Variants in SUSD6 observed in about 807,000 individuals in gnomAD.
SUSD6 encodes the protein sushi domain-containing protein 6.
A neutral mutation model predicts 28.4 loss-of-function variants in SUSD6; 16 were observed. That is an observed-to-expected ratio of 0.56 (90% CI 0.38 to 0.86). The LOEUF is 0.86. SUSD6 is among the 40% of genes least tolerant of loss of function. The pLI is 0.00. For synonymous variants in SUSD6, 147 were observed against 159.6 expected (o/e 0.92, Z 0.59); for missense variants, 341 against 384.2 (o/e 0.89, Z 0.94).
intron 2 of SUSD6, among the ~76,000 whole-genome samples, chr14:69,675,212 A>G (rs1202587508): frequency 6.6e-6 from 1 of 152,020 alleles, no homozygotes; most frequent in Admixed American, 6.6e-5. Context: ...AGTTTTGCTC[A>G]CCTTGCTTCT....
chr14:69,622,250 G>T (rs1051111738), intron 1 of SUSD6, among the ~76,000 whole-genome samples: 5 of 152,080 alleles, frequency 3.3e-5, no homozygotes, highest in African/African-American at 9.7e-5. Flanking sequence ...CTGCAGCCTT[G>T]ACCTTACGGG....
chr14:69,649,380 G>A (rs911041668), intron 1 of SUSD6, among the ~76,000 whole-genome samples: 1 of 152,118 alleles, frequency 6.6e-6, no homozygotes, highest in Non-Finnish European at 1.5e-5. Context: ...AGCCCTGATG[G>A]GAACCAAGCA....
chr14:69,686,388 A>G (rs911253823), intron 2 of SUSD6, among the ~76,000 whole-genome samples: 3 of 152,322 alleles, frequency 2.0e-5, no homozygotes, highest in African/African-American at 7.2e-5. Flanking sequence ...CTAGGGAAGT[A>G]GGGGGACTAC....
intron 1 of SUSD6, among the ~76,000 whole-genome samples, chr14:69,648,537 G>A (rs1481982481): frequency 2.0e-5 from 3 of 152,170 alleles, no homozygotes. Context: ...TTTTTGGTGA[G>A]TTTTTAAAGT....
chr14:69,695,314 G>T (rs1886209829), intron 2 of SUSD6, among the ~76,000 whole-genome samples: 1 of 152,200 alleles, frequency 6.6e-6, no homozygotes, highest in Non-Finnish European at 1.5e-5. Flanking sequence ...TCCACAGCAG[G>T]AATCTGTCCC....
At chr14:69,622,204 G>T (rs186047642) in intron 1 of SUSD6, among the ~76,000 whole-genome samples, 3 of 151,924 alleles carry the variant, frequency 2.0e-5, no homozygotes, top group African/African-American at 7.3e-5. Flanking sequence ...TTGTTCTGTC[G>T]CCCAGGCTAG....
At chr14:69,678,486 C>T (rs533346616) in intron 2 of SUSD6, among the ~76,000 whole-genome samples, 15 of 152,096 alleles carry the variant, frequency 9.9e-5, no homozygotes, top group Admixed American at 5.9e-4. Context: ...GATCTATGGG[C>T]GACTCCAGTT....
intron 1 of SUSD6, among the ~76,000 whole-genome samples, chr14:69,655,677 A>T (rs537167622): frequency 6.6e-6 from 1 of 151,550 alleles, no homozygotes; most frequent in East Asian, 1.9e-4. Flanking sequence ...GCGTGCTCCT[A>T]TAGTCCCAGC....
chr14:69,633,445 C>T (rs886404415), intron 1 of SUSD6, among the ~76,000 whole-genome samples: 13 of 152,246 alleles, frequency 8.5e-5, no homozygotes, highest in South Asian at 2.1e-4. Context: ...ATGTTTGCTT[C>T]GGCATTCCTG....
At chr14:69,615,043 C>T (rs952331442) in intron 1 of SUSD6, among the ~76,000 whole-genome samples, 2 of 152,120 alleles carry the variant, frequency 1.3e-5, no homozygotes, top group Non-Finnish European at 2.9e-5. Context: ...AGAGGGTGTT[C>T]GCTCAAGCAG....
At chr14:69,695,871 G>A (rs1886217951) in intron 2 of SUSD6, among the ~76,000 whole-genome samples, 1 of 152,228 alleles carries the variant, frequency 6.6e-6, no homozygotes, top group Admixed American at 6.5e-5. Flanking sequence ...GGAGGCTTCA[G>A]AAGAAACCTT....
At chr14:69,643,730 T>A (rs1308188208) in intron 1 of SUSD6, among the ~76,000 whole-genome samples, 1 of 152,246 alleles carries the variant, frequency 6.6e-6, no homozygotes, top group Non-Finnish European at 1.5e-5. Flanking sequence ...GGCCTTATTC[T>A]GTGCCAGATA....
chr14:69,627,665 C>T lies in SUSD6; in HGVS notation c.-81+15837C>T, dbSNP rs993353924. 5.3e-5 allele frequency among the ~76,000 whole-genome samples: 8 copies of T among 152,016 alleles called. No individual in the cohort carries two copies. In the East Asian group the frequency reaches 7.8e-4, roughly 15 times the overall value. On this transcript the variant is annotated intron_variant, in intron 1 of 5. Coordinates refer to ENST00000342745, the MANE Select transcript of SUSD6 (RefSeq NM_014734.4). Reference sequence around the variant, plus strand: ...ATTTTTAGTAGAGATGGGGTTTCACCGTGTTAGCCAGGATGGTCTCGATCT... The same window carrying T: ...ATTTTTAGTAGAGATGGGGTTTCACTGTGTTAGCCAGGATGGTCTCGATCT...
At chr14:69,675,642 T>C (rs769179964) in intron 2 of SUSD6, among the ~76,000 whole-genome samples, 1 of 152,218 alleles carries the variant, frequency 6.6e-6, no homozygotes, top group Non-Finnish European at 1.5e-5. Flanking sequence ...CTAATCACTA[T>C]TGGCAGTTGA....
intron 1 of SUSD6, among the ~76,000 whole-genome samples, chr14:69,637,615 G>T (rs1018397136): frequency 2.0e-5 from 3 of 152,156 alleles, no homozygotes; most frequent in African/African-American, 7.2e-5. Context: ...TTGTGGCAAA[G>T]CATTGGGTGA....
chr14:69,701,049 C>T (rs1242781248), intron 2 of SUSD6, among the ~76,000 whole-genome samples: 1 of 152,048 alleles, frequency 6.6e-6, no homozygotes, highest in Non-Finnish European at 1.5e-5. Flanking sequence ...TATATGTGTG[C>T]ACTTAATGGT....
At chr14:69,690,831 G>A (rs10498530) in intron 2 of SUSD6, among the ~76,000 whole-genome samples, 34,791 of 152,176 alleles carry the variant, frequency 0.23, 4,424 homozygotes, top group African/African-American at 0.31. Context: ...TGCACAGTGA[G>A]TACAGAGTTC....
chr14:69,696,473 T>C (rs1886227063), intron 2 of SUSD6, among the ~76,000 whole-genome samples: 1 of 152,250 alleles, frequency 6.6e-6, no homozygotes, highest in South Asian at 2.1e-4. Context: ...TACAAACCAT[T>C]GAAGGCTAGA....
chr14:69,651,407 A>G (rs960779712), intron 1 of SUSD6, among the ~76,000 whole-genome samples: 6 of 152,170 alleles, frequency 3.9e-5, no homozygotes, highest in African/African-American at 1.4e-4. Flanking sequence ...ACACTGTGTA[A>G]TGGCTTAGGT....
Sources: gnomAD v4.1 joint callset for allele counts (sites outside exome capture counted in the v4.1 genomes callset) on GRCh38, gnomAD v4.1.1 for gene constraint, MANE v1.5 for transcripts, NCBI Gene and HGNC (gene_info 2026-07-23, HGNC 2026-07-21) for gene names.